The following PRDM15 variants were observed in gnomAD, a reference collection of about 807,000 sequenced individuals.
The protein encoded by PRDM15 is PR/SET domain 15, also known as PR domain zinc finger protein 15.
Under a neutral mutation model 128.6 loss-of-function variants are expected in PRDM15, and 64 were observed. That is an observed-to-expected ratio of 0.50 (90% CI 0.41 to 0.61). The LOEUF is 0.61. PRDM15 is among the 20% of genes least tolerant of loss of function. PRDM15 has a pLI of 0.00. For synonymous variants in PRDM15, 615 were observed against 621.8 expected, an observed-to-expected ratio of 0.99 and a Z score of 0.16; for missense variants, 1,242 against 1,569.1, an observed-to-expected ratio of 0.79 and a Z score of 3.52.
At chr21:41,826,565 G>A (rs1436136912) in intron 12 of PRDM15, among the ~76,000 whole-genome samples, 3 of 152,164 alleles carry the variant, frequency 2.0e-5, no homozygotes, top group Non-Finnish European at 4.4e-5. Context: ...GAGGCATATT[G>A]TTCCAAATTG....
chr21:41,808,230 C>T (rs1036649663), intron 21 of PRDM15, among the ~76,000 whole-genome samples: 6 of 152,290 alleles, frequency 3.9e-5, no homozygotes, highest in East Asian at 1.9e-4. Flanking sequence ...GTGGTCCTGG[C>T]GCTTCGGGTT....
chr21:41,830,770 C>G (rs919803825), intron 11 of PRDM15, among the ~76,000 whole-genome samples: 2 of 152,236 alleles, frequency 1.3e-5, no homozygotes, highest in Non-Finnish European at 2.9e-5. Context: ...TATATCCCTG[C>G]ATCCCAGACC....
intron 1 of PRDM15, chr21:41,877,384 G>A (rs2064457529): frequency 1.3e-5 from 2 of 152,382 alleles, no homozygotes; most frequent in African/African-American, 4.8e-5. Flanking sequence ...CACATAACAG[G>A]TGTTCAGTAA....
At chr21:41,819,028 A>G (rs1031268639) in intron 18 of PRDM15, among the ~76,000 whole-genome samples, 4 of 152,204 alleles carry the variant, frequency 2.6e-5, no homozygotes, top group Non-Finnish European at 5.9e-5. Flanking sequence ...GAATCATTCT[A>G]TACTTTAAAC....
rs779178188 is a variant in PRDM15 at position 41,854,704 on chromosome 21, A to G, written c.400T>C (p.Tyr134His). ...AAGTACACGTCGCTGCCGTGCTGGT[A>G]GGCCGTCAGGTTCTGGTGCTCGGCC... is the stretch of plus-strand genomic sequence containing the variant. ...AEAEHQNLTA[Y>H]QHGSDVYFTT... Residue 134 changes from tyrosine to histidine, a missense_variant, in exon 5 of 24, where the codon TAC (tyrosine) becomes CAC (histidine). Coordinates refer to ENST00000398548, the MANE Select transcript of PRDM15 (RefSeq NM_001040424.3). The surrounding 1 kb of genome is among the most constrained non-coding windows in gnomAD (Gnocchi z 4.6). The G allele has an allele frequency of 6.2e-7, 1 of 1,613,496 alleles. No individual in the cohort carries two copies. Among genetic ancestry groups the G allele is most frequent in the East Asian group, 2.2e-5 (1 of 44,882 alleles).
intron 21 of PRDM15, among the ~76,000 whole-genome samples, chr21:41,806,015 CCAT>C (rs1568879703): frequency 3.4e-4 from 16 of 47,274 alleles, no homozygotes; most frequent in Non-Finnish European, 5.0e-4. Flanking sequence ...ATCACCACCA[CCAT>C]CACCACCACC....
At position 41,823,307 on chromosome 21, in the gene PRDM15, G is replaced by A. The variant is rs764912449; in HGVS notation, c.1761+11C>T. On this transcript the variant is annotated intron_variant, in intron 14 of 23. Transcript: ENST00000398548. ...GAGCATGCCTGGGTGAGGGCAGCAC[G>A]CGATCGACACCTTGAAGTGGACATG... The A allele has an allele frequency of 1.4e-5, 23 of 1,607,014 alleles. No homozygotes were observed. Among genetic ancestry groups the A allele is most frequent in the African/African-American group, 5.3e-5 (4 of 74,790 alleles).
At chr21:41,869,074 G>A (rs1447746474) in intron 1 of PRDM15, among the ~76,000 whole-genome samples, 1 of 152,066 alleles carries the variant, frequency 6.6e-6, no homozygotes, top group Admixed American at 6.5e-5. Flanking sequence ...ATGCTTTGTC[G>A]CATGTAGTTT....
intron 14 of PRDM15, 45 bp downstream of exon 14, chr21:41,823,273 G>T (rs780286659): frequency 1.3e-6 from 2 of 1,595,818 alleles, no homozygotes; most frequent in East Asian, 4.6e-5. Flanking sequence ...TGGCCTGGGG[G>T]CCTGCCGTGA....
At chr21:41,820,281 C>T (rs1031128609) in intron 16 of PRDM15, 107 bp from the exon 17 acceptor site, 3 of 781,898 alleles carry the variant, frequency 3.8e-6, no homozygotes, top group African/African-American at 3.4e-5. Flanking sequence ...AACAAGGTGC[C>T]ACGGGGATGA....
rs759517156 is a variant in PRDM15, at chr21:41,828,425, G to C, written c.1367-92C>G. 7.4e-7 allele frequency: 1 copy of C among 1,352,158 alleles called. No homozygotes were observed. 83.8% of individuals were successfully genotyped at this position (1,352,158 alleles called of 1,614,324 possible). ...TGTGGCCTGAACGTCAATAAAGCGC[G>C]GGTGACGGGCATGAGAGTCACGGGG... On this transcript the variant is annotated intron_variant, in intron 11 of 23. Transcript: ENST00000398548. The surrounding 1 kb of genome is among the most constrained non-coding windows in gnomAD (Gnocchi z 5.7).
chr21:41,839,588 C>A, intron 7 of PRDM15, 35 bp downstream of exon 7: 1 of 1,591,664 alleles, frequency 6.3e-7, no homozygotes. Context: ...GGCTGCGCCC[C>A]ACGCAGGCAC....
rs1306042726 is a variant in PRDM15 at position 41,836,139 on chromosome 21, C to T, written c.1252G>A (p.Val418Ile). The change falls in exon 10 of 24, where the codon GTT becomes ATT. Residue 418 changes from valine (V) to isoleucine (I), a missense_variant. Transcript: ENST00000398548. ...TCGTTCCTGCTGTGCTTGTAGGAAA[C>T]GTGCTGCTTTAGGCTCTCTTTGCGG... ...FSRKESLKQH[V>I]SYKHSRNEVD... is the part of the protein sequence containing the mutation. 12 of 1,613,834 alleles carry T rather than the reference C, an allele frequency of 7.4e-6. No individual in the cohort carries two copies. The highest frequency in any genetic ancestry group is 3.3e-5 in the South Asian group (3 of 91,070).
chr21:41,826,819 G>A (rs374006585), intron 12 of PRDM15, among the ~76,000 whole-genome samples: 2 of 152,266 alleles, frequency 1.3e-5, no homozygotes, highest in South Asian at 4.2e-4. Context: ...CTTAGACTAA[G>A]CTCCAGTATG....
At chr21:41,814,733 A>C (rs1339207061) in intron 19 of PRDM15, 2 of 111,486 alleles carry the variant, frequency 1.8e-5, no homozygotes, top group African/African-American at 3.7e-5. Context: ...TATGAGAACG[A>C]CTTGTGTTAG....
intron 5 of PRDM15, among the ~76,000 whole-genome samples, chr21:41,850,741 C>CA (rs1229897117): frequency 2.0e-5 from 3 of 151,410 alleles, no homozygotes; most frequent in Non-Finnish European, 2.9e-5. Flanking sequence ...CAAAAAACTA[C>CA]AAAAAAAGAA....
At chr21:41,844,598 T>C (rs1337082787) in intron 6 of PRDM15, among the ~76,000 whole-genome samples, 13 of 17,918 alleles carry the variant, frequency 7.3e-4, no homozygotes, top group East Asian at 3.7e-3. Flanking sequence ...CAGGGACACA[T>C]ACAGCCCCTC....
chr21:41,874,529 T>TTTTTTTG (rs1569031417), intron 1 of PRDM15, among the ~76,000 whole-genome samples: 114 of 133,412 alleles, frequency 8.5e-4, no homozygotes, highest in African/African-American at 2.7e-3. Context: ...ATATATATTT[T>TTTTTTTG]TTTTTTTTTT....
intron 9 of PRDM15, 125 bp downstream of exon 9, chr21:41,836,343 T>C (rs1372166320): frequency 1.5e-6 from 2 of 1,293,302 alleles, no homozygotes; most frequent in Admixed American, 4.1e-5. Context: ...CGCCCACAAA[T>C]GCAGCCTCTC....
Sources: gnomAD v4.1 joint callset for allele counts (sites outside exome capture counted in the v4.1 genomes callset) on GRCh38, gnomAD v4.1.1 for gene constraint, Gnocchi (gnomAD v3.1) non-coding constraint, MANE v1.5 for transcripts, NCBI Gene and HGNC (gene_info 2026-07-23, HGNC 2026-07-21) for gene names.